Variants in CSTA observed in about 807,000 individuals in gnomAD.
CSTA encodes cystatin-A.
Under a neutral mutation model 9.2 loss-of-function variants are expected in CSTA, and 9 were observed. The ratio of observed to expected loss-of-function variants is 0.97; its 90% CI spans 0.59 to 1.70. CSTA has a LOEUF of 1.70. Among genes scored for constraint, CSTA ranks in the 40% most tolerant of loss-of-function variants. CSTA has a pLI of 0.00. For synonymous variants in CSTA, 36 were observed against 40.6 expected, an observed-to-expected ratio of 0.89 and a Z score of 0.43; for missense variants, 118 against 113.1, an observed-to-expected ratio of 1.04 and a Z score of -0.20.
chr3:122,331,104 AAC>A (rs10575257), intron 1 of CSTA, among the ~76,000 whole-genome samples: 28,560 of 140,822 alleles, frequency 0.2, 2,920 homozygotes, highest in Admixed American at 0.32. Context: ...GCACACAACA[AAC>A]ACACACACAC....
chr3:122,341,776 G>C lies in CSTA; in HGVS notation c.*209G>C. The C allele has an allele frequency of 1.7e-6, 1 of 594,978 alleles. No individual in the cohort carries two copies. The highest frequency in any genetic ancestry group is 2.8e-6 in the Non-Finnish European group (1 of 354,162). 36.9% of individuals were successfully genotyped at this position (594,978 alleles called of 1,614,324 possible). A position where few individuals can be genotyped will look rare whatever the true frequency, so the allele number is the denominator to read the frequency against. The stretch of plus-strand genomic sequence containing the variant: ...AGTATAAACTCCATATAAATTGATG[G>C]CAATTGGAAATCTTATAAAAACTAG... On this transcript the variant is annotated 3_prime_UTR_variant, in exon 3 of 3. Coordinates refer to ENST00000264474, the MANE Select transcript of CSTA (RefSeq NM_005213.4).
intron 1 of CSTA, among the ~76,000 whole-genome samples, chr3:122,330,610 A>G (rs2075198793): frequency 6.6e-6 from 1 of 152,254 alleles, no homozygotes; most frequent in African/African-American, 2.4e-5. Flanking sequence ...AGCACCATGT[A>G]CTAAAGTACA....
intron 1 of CSTA, among the ~76,000 whole-genome samples, chr3:122,325,838 C>T (rs1283472444): frequency 6.6e-6 from 1 of 152,144 alleles, no homozygotes; most frequent in Non-Finnish European, 1.5e-5. Context: ...ACTTCATACA[C>T]TTTTGCCCAA....
chr3:122,327,231 G>A (rs1415941051), intron 1 of CSTA, among the ~76,000 whole-genome samples: 19 of 141,236 alleles, frequency 1.3e-4, no homozygotes, highest in Admixed American at 1.2e-3. Context: ...GCAAGACTCT[G>A]TCTCAAAAAA....
At chr3:122,332,256 C>T (rs1459968698) in intron 1 of CSTA, among the ~76,000 whole-genome samples, 6 of 152,194 alleles carry the variant, frequency 3.9e-5, no homozygotes, top group Admixed American at 2.0e-4. Context: ...ATTCTCCTCT[C>T]TTCAGCCAGT....
intron 1 of CSTA, among the ~76,000 whole-genome samples, chr3:122,335,381 C>G (rs993099618): frequency 1.3e-5 from 2 of 152,168 alleles, no homozygotes; most frequent in Non-Finnish European, 2.9e-5. Flanking sequence ...CATGCAATCA[C>G]AGGGTCTTTA....
intron 2 of CSTA, chr3:122,338,341 T>G (rs1030063662): frequency 6.6e-6 from 1 of 152,190 alleles, no homozygotes; most frequent in African/African-American, 2.4e-5. Flanking sequence ...TGTCCTTATA[T>G]ATTAAGAAGA....
At chr3:122,337,084 A>G (rs1418091199) in intron 1 of CSTA, among the ~76,000 whole-genome samples, 1 of 152,238 alleles carries the variant, frequency 6.6e-6, no homozygotes, top group African/African-American at 2.4e-5. Flanking sequence ...TAATAGTATT[A>G]TACCATGTTA....
chr3:122,325,282 A>G lies in CSTA; in HGVS notation c.-11A>G. ...CCAGCATCCTGTCCAGCAAAGAAGC[A>G]ATCAGCCAAAATGATACCTGGAGGC... On this transcript the variant is annotated 5_prime_UTR_variant, in exon 1 of 3. Transcript: ENST00000264474. 1.9e-6 allele frequency: 3 copies of G among 1,614,032 alleles called. No homozygotes were observed. Among genetic ancestry groups the G allele is most frequent in the Non-Finnish European group, 2.5e-6 (3 of 1,179,932 alleles).
At chr3:122,328,363 T>A (rs2075182254) in intron 1 of CSTA, among the ~76,000 whole-genome samples, 1 of 151,374 alleles carries the variant, frequency 6.6e-6, no homozygotes, top group South Asian at 2.1e-4. Context: ...TAGCCCGGCG[T>A]GGTGGCAGGT....
Position 122,333,540 on chromosome 3 carries a change from G to GAAAGAAAGAAAGAAAGAAAGAAAGA in CSTA, c.67-4005_67-4004insAGAAAGAAAGAAAGAAAGAAAGAAA, listed in dbSNP as rs1274127478. ...AGAGAGAAGAAAGAAAGAAAAGAAA[G>GAAAGAAAGAAAGAAAGAAAGAAAGA]AAGAAAGAAAGAAAGAAAGAAAGAA... On this transcript the variant is annotated intron_variant, in intron 1 of 2. Coordinates refer to ENST00000264474, the MANE Select transcript of CSTA (RefSeq NM_005213.4). 4.5e-5 allele frequency among the ~76,000 whole-genome samples: 5 copies of GAAAGAAAGAAAGAAAGAAAGAAAGA among 112,174 alleles called. No homozygotes were observed. In the South Asian group the frequency reaches 1.3e-3, roughly 30 times the overall value. The allele number at this position is 112,174 out of a possible 152,430, so 73.6% of individuals were successfully genotyped here.
intron 1 of CSTA, among the ~76,000 whole-genome samples, chr3:122,336,652 G>A (rs776131957): frequency 2.6e-5 from 4 of 152,098 alleles, no homozygotes; most frequent in African/African-American, 9.7e-5. Flanking sequence ...AAAGTATGGC[G>A]AGAAACAAGA....
intron 1 of CSTA, among the ~76,000 whole-genome samples, chr3:122,336,107 T>C (rs2075236180): frequency 6.6e-6 from 1 of 152,146 alleles, no homozygotes; most frequent in South Asian, 2.1e-4. Context: ...AGTACACATA[T>C]TATTTTGTAG....
chr3:122,335,108 A>T (rs2075229074), intron 1 of CSTA, among the ~76,000 whole-genome samples: 1 of 152,190 alleles, frequency 6.6e-6, no homozygotes. Context: ...GAAGCACTGT[A>T]CAGAAAGTTG....
At chr3:122,328,878 T>C (rs993374120) in intron 1 of CSTA, among the ~76,000 whole-genome samples, 1 of 149,770 alleles carries the variant, frequency 6.7e-6, no homozygotes, top group Non-Finnish European at 1.5e-5. Context: ...GAGGTGGAGG[T>C]TGGAGTGAGC....
intron 1 of CSTA, among the ~76,000 whole-genome samples, chr3:122,326,193 G>A (rs2075170016): frequency 6.6e-6 from 1 of 151,868 alleles, no homozygotes; most frequent in Admixed American, 6.6e-5. Context: ...TGATTTGGGG[G>A]GTTTTGTTTT....
intron 1 of CSTA, among the ~76,000 whole-genome samples, chr3:122,330,854 C>T (rs2075200157): frequency 6.6e-6 from 1 of 152,048 alleles, no homozygotes; most frequent in Non-Finnish European, 1.5e-5. Flanking sequence ...AAGAGGGACA[C>T]ATCCAGAAAG....
Position 122,341,585 on chromosome 3 carries a change from G to A in CSTA, c.*18G>A. ...GCTTTTAGCAGCATGTACCCAAAGTGTTCTGATTCCTTCAACTGGCTACTG... is the reference window on the plus strand; with the variant it reads ...GCTTTTAGCAGCATGTACCCAAAGTATTCTGATTCCTTCAACTGGCTACTG... On this transcript the variant is annotated 3_prime_UTR_variant, in exon 3 of 3. Transcript: ENST00000264474. The A allele has an allele frequency of 1.9e-6, 3 of 1,614,040 alleles. No individual in the cohort carries two copies. The highest frequency in any genetic ancestry group is 2.5e-6 in the Non-Finnish European group (3 of 1,179,944).
chr3:122,338,404 TCTTTA>T (rs2075247253), intron 2 of CSTA: 1 of 152,052 alleles, frequency 6.6e-6, no homozygotes, highest in African/African-American at 2.4e-5. Flanking sequence ...ATTTACTTAA[TCTTTA>T]CTTCACTATT....
Sources: gnomAD v4.1 joint callset for allele counts (sites outside exome capture counted in the v4.1 genomes callset) on GRCh38, gnomAD v4.1.1 for gene constraint, MANE v1.5 for transcripts, NCBI Gene and HGNC (gene_info 2026-07-23, HGNC 2026-07-21) for gene names.